The following NUGGC variants were observed in gnomAD, a reference collection of about 807,000 sequenced individuals.
NUGGC encodes the protein nuclear GTPase, germinal center associated.
NUGGC carries 58 observed loss-of-function variants against 92.6 expected under a neutral mutation model. That is an observed-to-expected ratio of 0.63 (90% CI 0.51 to 0.78). The LOEUF is 0.78. NUGGC is among the 30% of genes least tolerant of loss of function. The probability of loss-of-function intolerance (pLI) is 0.00; values close to 1 mark genes in which losing one functional copy is unlikely to be tolerated. For synonymous variants in NUGGC, 376 were observed against 366.4 expected, an observed-to-expected ratio of 1.03 and a Z score of -0.30; for missense variants, 925 against 964.6, an observed-to-expected ratio of 0.96 and a Z score of 0.54.
intron 10 of NUGGC, among the ~76,000 whole-genome samples, chr8:28,048,924 T>A (rs113072499): frequency 2.6e-5 from 4 of 151,464 alleles, no homozygotes; most frequent in African/African-American, 9.7e-5. Context: ...TTTTTGTGCT[T>A]AGAAAAACAG....
intron 6 of NUGGC, among the ~76,000 whole-genome samples, chr8:28,066,631 A>T (rs1175602963): frequency 6.6e-6 from 1 of 152,216 alleles, no homozygotes; most frequent in Non-Finnish European, 1.5e-5. Flanking sequence ...ATACAAGAAA[A>T]ACTAGGTTTT....
At chr8:28,031,092 TG>T in intron 15 of NUGGC, 150 bp downstream of exon 15, 1 of 845,214 alleles carries the variant, frequency 1.2e-6, no homozygotes, top group Non-Finnish European at 1.9e-6. Context: ...CACATCCCAC[TG>T]GGTTCTGTAT....
intron 6 of NUGGC, among the ~76,000 whole-genome samples, chr8:28,065,178 T>G (rs1235579577): frequency 8.1e-6 from 1 of 123,390 alleles, no homozygotes; most frequent in Non-Finnish European, 1.8e-5. Flanking sequence ...TTTTTTTTTT[T>G]GAGACAGAGT....
intron 15 of NUGGC, 75 bp from the exon 16 acceptor site, chr8:28,030,493 G>T: frequency 1.3e-6 from 1 of 755,356 alleles, no homozygotes. Context: ...CCAGTGCATG[G>T]CCACCATTCC....
intron 11 of NUGGC, among the ~76,000 whole-genome samples, chr8:28,046,613 T>A (rs1585570608): frequency 6.6e-6 from 1 of 151,948 alleles, no homozygotes; most frequent in East Asian, 1.9e-4. Flanking sequence ...AAATATACAA[T>A]AGTCACTCAG....
At chr8:28,056,142 T>G in intron 9 of NUGGC, 88 bp from the exon 10 acceptor site, 1 of 727,244 alleles carries the variant, frequency 1.4e-6, no homozygotes, top group South Asian at 1.7e-5. Context: ...TTGGCAGATT[T>G]TCATTTGGTC....
chr8:28,027,619 G>T (rs1191473773), intron 17 of NUGGC, among the ~76,000 whole-genome samples: 2 of 152,016 alleles, frequency 1.3e-5, no homozygotes, highest in Non-Finnish European at 2.9e-5. Context: ...AAAATGTCAG[G>T]CTCCTTCCTC....
At chr8:28,060,662 G>A (rs555555053) in intron 7 of NUGGC, 61 bp from the exon 8 acceptor site, 34 of 1,495,076 alleles carry the variant, frequency 2.3e-5, no homozygotes, top group South Asian at 1.9e-4. Flanking sequence ...CCTGAGGACC[G>A]GTTCCCTAAT....
intron 14 of NUGGC, 28 bp downstream of exon 14, chr8:28,033,512 C>T (rs373914976): frequency 1.2e-5 from 20 of 1,601,730 alleles, no homozygotes; most frequent in Middle Eastern, 3.3e-4. Flanking sequence ...TGTTTGTTCC[C>T]GAAGGTGCAA....
In NUGGC at chr8:28,041,097, C is replaced by T. The variant is rs1182628317; in HGVS notation, c.1565G>A (p.Arg522Lys). ...CMEQPLQEGV[R>K]TARTSYRCIL... ...GCAGCGGTAAGAAGTCCTGGCGGTC[C>T]TGACCCCTTCTTGCAGAGGCTGCTC... The change falls in exon 13 of 19, where the codon AGG (arginine) becomes AAG (lysine). Residue 522 changes from arginine to lysine, a missense_variant. Arg to Lys is a conservative substitution (Grantham distance 26). Coordinates refer to ENST00000413272, the MANE Select transcript of NUGGC (RefSeq NM_001010906.2). 6.8e-6 allele frequency: 11 copies of T among 1,607,522 alleles called. No homozygotes were observed. Among genetic ancestry groups the T allele is most frequent in the Non-Finnish European group, 9.3e-6 (11 of 1,177,202 alleles).
At chr8:28,064,877 C>T (rs1810399528) in intron 6 of NUGGC, 146 bp from the exon 7 acceptor site, 1 of 648,866 alleles carries the variant, frequency 1.5e-6, no homozygotes, top group Non-Finnish European at 2.7e-6. Flanking sequence ...GTCTGTAGGA[C>T]CTAGAACCTG....
chr8:28,062,234 T>A (rs1225207000), intron 7 of NUGGC, among the ~76,000 whole-genome samples: 1 of 152,170 alleles, frequency 6.6e-6, no homozygotes, highest in Non-Finnish European at 1.5e-5. Flanking sequence ...ATCCTGTCTC[T>A]CCTCTATAAG....
intron 2 of NUGGC, 58 bp from the exon 3 acceptor site, chr8:28,070,414 T>A: frequency 1.1e-6 from 1 of 880,062 alleles, no homozygotes; most frequent in Non-Finnish European, 1.8e-6. Flanking sequence ...TATTCTTGCC[T>A]CACCTCTATC....
At chr8:28,057,551 G>A (rs953912066) in intron 9 of NUGGC, among the ~76,000 whole-genome samples, 1 of 151,784 alleles carries the variant, frequency 6.6e-6, no homozygotes, top group East Asian at 1.9e-4. Context: ...CATGTTGGTT[G>A]GGCTGGTCTT....
rs567917807 is a variant in NUGGC, at chr8:28,044,866, G to A, written c.1446+661C>T. On this transcript the variant is annotated intron_variant, in intron 12 of 18. Transcript: ENST00000413272. ...GGAGACAACACAGCTGGTGACTGAC[G>A]ACAGTAAGAGGTTTTTCTCCAAAAC... Among the ~76,000 whole-genome samples, 5 of 152,262 alleles carry A rather than the reference G, an allele frequency of 3.3e-5. No homozygotes were observed. The East Asian group carries it at 5.8e-4, about 18-fold the overall frequency.
intron 12 of NUGGC, among the ~76,000 whole-genome samples, chr8:28,044,115 C>T (rs1024404804): frequency 6.6e-6 from 1 of 152,144 alleles, no homozygotes; most frequent in Non-Finnish European, 1.5e-5. Context: ...AGTCAGGTCT[C>T]GAGTGTCTGC....
intron 8 of NUGGC, 169 bp downstream of exon 8, chr8:28,060,257 A>C (rs775959695): frequency 2.7e-6 from 2 of 740,390 alleles, no homozygotes; most frequent in African/African-American, 3.5e-5. Flanking sequence ...AACCCAACCA[A>C]GGGTCCTGAT....
Position 28,023,233 on chromosome 8 carries a change from T to A in NUGGC, c.*84A>T, listed in dbSNP as rs917886024. ...AGCCTGGGCAACAGAGGTAGATAGA[T>A]CTTGTCTCTTAAGAACAAAAAAAGT... On this transcript the variant is annotated 3_prime_UTR_variant, in exon 19 of 19. Transcript: ENST00000413272. 1 of 1,443,380 alleles carries A rather than the reference T, an allele frequency of 6.9e-7. No homozygotes were observed. The highest frequency in any genetic ancestry group is 1.4e-5 in the African/African-American group (1 of 70,730). 89.4% of individuals were successfully genotyped at this position (1,443,380 alleles called of 1,614,324 possible).
At chr8:28,062,290 C>G (rs1406111272) in intron 7 of NUGGC, among the ~76,000 whole-genome samples, 2 of 152,178 alleles carry the variant, frequency 1.3e-5, no homozygotes, top group Non-Finnish European at 2.9e-5. Flanking sequence ...CATTACAGCC[C>G]TTCTGCTGCC....
Sources: gnomAD v4.1 joint callset for allele counts (sites outside exome capture counted in the v4.1 genomes callset) on GRCh38, gnomAD v4.1.1 for gene constraint, MANE v1.5 for transcripts, NCBI Gene and HGNC (gene_info 2026-07-23, HGNC 2026-07-21) for gene names.